AKAP19: variants seen among roughly 807,000 people sequenced by gnomAD.
AKAP19 encodes small A-kinase anchoring protein.
At chr2:189,930,378 C>A in the AKAP19 span, 1 of 403,722 alleles carries the variant, frequency 2.5e-6, no homozygotes, top group Non-Finnish European at 4.5e-6. Flanking sequence ...TGTACATGCA[C>A]GGTAGAAATT....
At chr2:190,033,946 A>G in the AKAP19 span, among the ~76,000 whole-genome samples, 2 of 152,102 alleles carry the variant, frequency 1.3e-5, no homozygotes, top group Admixed American at 6.6e-5. Flanking sequence ...CTTTCTACAC[A>G]CTTAGCAGTC....
the AKAP19 span, among the ~76,000 whole-genome samples, chr2:190,109,898 G>C: frequency 6.6e-6 from 1 of 152,204 alleles, no homozygotes; most frequent in African/African-American, 2.4e-5. Flanking sequence ...CACAATTGAA[G>C]GTATGATTGG....
the AKAP19 span, among the ~76,000 whole-genome samples, chr2:189,927,431 A>G: frequency 6.6e-6 from 1 of 152,216 alleles, no homozygotes; most frequent in Non-Finnish European, 1.5e-5. Flanking sequence ...TAGTGTACAA[A>G]TAAGTTTTAG....
At chr2:190,175,000 T>TTGGAG in the AKAP19 span, among the ~76,000 whole-genome samples, 2,871 of 65,260 alleles carry the variant, frequency 0.044, 85 homozygotes, top group African/African-American at 0.087. Context: ...GATACATAGA[T>TTGGAG]TACATGGAGT....
chr2:190,134,732 CCTT>C, the AKAP19 span, among the ~76,000 whole-genome samples: 3 of 87,708 alleles, frequency 3.4e-5, no homozygotes, highest in African/African-American at 8.7e-5. Context: ...TTTAATTTAT[CCTT>C]CTGTTAAGTT....
the AKAP19 span, among the ~76,000 whole-genome samples, chr2:190,021,726 G>T: frequency 6.6e-6 from 1 of 152,170 alleles, no homozygotes; most frequent in African/African-American, 2.4e-5. Context: ...GGTGCCATTT[G>T]TATAACTGAA....
chr2:189,889,102 A>T, the AKAP19 span, among the ~76,000 whole-genome samples: 66 of 152,200 alleles, frequency 4.3e-4, no homozygotes, highest in African/African-American at 1.5e-3. Flanking sequence ...ATTTTGAGAT[A>T]TGTTCTATCA....
chr2:189,925,500 A>G, the AKAP19 span, among the ~76,000 whole-genome samples: 98 of 152,288 alleles, frequency 6.4e-4, 1 homozygote, highest in Middle Eastern at 3.4e-3. Flanking sequence ...GGCAGTAACC[A>G]TAGGGGCTAG....
the AKAP19 span, chr2:190,079,580 G>T: frequency 6.6e-6 from 1 of 152,272 alleles, no homozygotes; most frequent in African/African-American, 2.4e-5. Flanking sequence ...GGAGGCCGAG[G>T]TGGGCGGATC....
the AKAP19 span, among the ~76,000 whole-genome samples, chr2:190,098,365 G>A: frequency 2.0e-5 from 3 of 152,206 alleles, no homozygotes; most frequent in East Asian, 5.8e-4. Flanking sequence ...ATGTGAAGAT[G>A]TACACCAATG....
chr2:190,060,634 A>T, the AKAP19 span, among the ~76,000 whole-genome samples: 1 of 152,042 alleles, frequency 6.6e-6, no homozygotes. Flanking sequence ...AATTTTTCAG[A>T]CGTATGTATT....
At chr2:190,103,532 C>G in the AKAP19 span, among the ~76,000 whole-genome samples, 2 of 152,200 alleles carry the variant, frequency 1.3e-5, no homozygotes, top group African/African-American at 4.8e-5. Flanking sequence ...AGTAGCATTT[C>G]TATACACCAA....
At chr2:190,070,896 A>T in the AKAP19 span, among the ~76,000 whole-genome samples, 1 of 152,196 alleles carries the variant, frequency 6.6e-6, no homozygotes, top group Non-Finnish European at 1.5e-5. Flanking sequence ...TTAGATTTTC[A>T]TCAAATACTT....
At chr2:190,137,971 T>A in the AKAP19 span, 2 of 152,282 alleles carry the variant, frequency 1.3e-5, no homozygotes, top group African/African-American at 4.8e-5. Flanking sequence ...TTTTTAACTA[T>A]AATGGAATAT....
the AKAP19 span, among the ~76,000 whole-genome samples, chr2:190,028,989 T>C: frequency 6.6e-6 from 1 of 152,108 alleles, no homozygotes; most frequent in Non-Finnish European, 1.5e-5. Context: ...CATAGTACCA[T>C]AGGTAGGAAT....
chr2:189,897,848 A>G, the AKAP19 span, among the ~76,000 whole-genome samples: 2 of 152,196 alleles, frequency 1.3e-5, no homozygotes, highest in Admixed American at 6.5e-5. Flanking sequence ...TGAATAATTT[A>G]GAAGTTATAT....
the AKAP19 span, among the ~76,000 whole-genome samples, chr2:190,069,175 T>TGTGTGTGTGAGAGA: frequency 8.1e-4 from 100 of 123,518 alleles, no homozygotes; most frequent in African/African-American, 3.0e-3. Flanking sequence ...TGTGTGTGTG[T>TGTGTGTGTGAGAGA]GAGAGAGAGA....
the AKAP19 span, among the ~76,000 whole-genome samples, chr2:189,985,673 C>G: frequency 6.6e-6 from 1 of 152,206 alleles, no homozygotes; most frequent in African/African-American, 2.4e-5. Context: ...TTCCCCAGAA[C>G]TTCCCTGATA....
chr2:189,940,629 A>G, the AKAP19 span, among the ~76,000 whole-genome samples: 1 of 152,090 alleles, frequency 6.6e-6, no homozygotes, highest in Non-Finnish European at 1.5e-5. Flanking sequence ...ACTTGAGGAG[A>G]TAAATATTCA....
Sources: allele counts gnomAD v4.1 joint callset (sites outside exome capture counted in the v4.1 genomes callset), GRCh38; gene constraint gnomAD v4.1.1; transcripts MANE v1.5; gene names NCBI Gene and HGNC (gene_info 2026-07-23, HGNC 2026-07-21).